RORA: variants seen among roughly 807,000 people sequenced by gnomAD.
The protein encoded by RORA is RAR related orphan receptor A.
Under a neutral mutation model 69.5 loss-of-function variants are expected in RORA, and 7 were observed. The observed-to-expected ratio is 0.10, with a 90% confidence interval of 0.06 to 0.19. The LOEUF (loss-of-function observed/expected upper bound fraction) is 0.19, where lower values mean the gene tolerates loss of function less well. RORA is among the 10% of genes least tolerant of loss of function. RORA has a pLI of 1.00. For synonymous variants in RORA, 261 were observed against 240.8 expected, an observed-to-expected ratio of 1.08 and a Z score of -0.78; for missense variants, 457 against 663.0, an observed-to-expected ratio of 0.69 and a Z score of 3.41.
chr15:60,535,968 A>AAACTT lies in RORA; in HGVS notation c.197-4122_197-4118dup, dbSNP rs538881869. On this transcript the variant is annotated intron_variant, in intron 2 of 10. Coordinates refer to ENST00000335670, the MANE Select transcript of RORA (RefSeq NM_134261.3). ...AAGACATCCCCTAAGTAGTTTGTTTAAACTTAACACACTACTCAGGAATTG... is the reference window on the plus strand; with the variant it reads ...AAGACATCCCCTAAGTAGTTTGTTTAAACTTAACTTAACACACTACTCAGGAATTG... Among the ~76,000 whole-genome samples, 7 of 152,316 alleles carry AAACTT rather than the reference A, an allele frequency of 4.6e-5. No homozygotes were observed. In the East Asian group the frequency reaches 1.4e-3, roughly 29 times the overall value.
chr15:60,494,326 TTTG>T lies in RORA; in HGVS notation c.*3126_*3128del, dbSNP rs2065115676. 6.6e-6 allele frequency: 1 copy of T among 152,208 alleles called. No homozygotes were observed. The highest frequency in any genetic ancestry group is 2.4e-5 in the African/African-American group (1 of 41,450). The allele number at this position is 152,208 out of a possible 1,614,324, so 9.4% of individuals were successfully genotyped here. A position where few individuals can be genotyped will look rare whatever the true frequency, so the allele number is the denominator to read the frequency against. On this transcript the variant is annotated 3_prime_UTR_variant, in exon 11 of 11. Transcript: ENST00000335670. Reference sequence around the variant, plus strand: ...CCATTGGAACAGAAGGTATTCAGGCTTTGTACAAAAGCCTTATTTGCCTTATGT... The same window carrying T: ...CCATTGGAACAGAAGGTATTCAGGCTTACAAAAGCCTTATTTGCCTTATGT...
At chr15:60,554,480 C>A (rs1008705664) in intron 2 of RORA, among the ~76,000 whole-genome samples, 3 of 152,070 alleles carry the variant, frequency 2.0e-5, no homozygotes, top group Non-Finnish European at 4.4e-5. Context: ...TCTTTAATAA[C>A]CAAGGCACCA....
intron 6 of RORA, 132 bp from the exon 7 acceptor site, chr15:60,503,799 T>G (rs2065406490): frequency 2.1e-6 from 2 of 945,230 alleles, no homozygotes; most frequent in African/African-American, 3.4e-5. Flanking sequence ...AGTGGGATCT[T>G]ATTTTATTTT....
At chr15:60,926,531 ATCT>A (rs1177920024) in intron 1 of RORA, among the ~76,000 whole-genome samples, 2 of 152,250 alleles carry the variant, frequency 1.3e-5, no homozygotes, top group African/African-American at 4.8e-5. Context: ...ACAGTGGTAC[ATCT>A]TCTCAGAGAG....
chr15:60,762,573 C>T (rs995392792), intron 1 of RORA, among the ~76,000 whole-genome samples: 7 of 151,884 alleles, frequency 4.6e-5, no homozygotes, highest in African/African-American at 1.7e-4. Flanking sequence ...ACACACACAC[C>T]ACACACACAG....
chr15:61,148,104 G>A (rs903279150), intron 1 of RORA, among the ~76,000 whole-genome samples: 3 of 152,174 alleles, frequency 2.0e-5, no homozygotes, highest in Non-Finnish European at 4.4e-5. Context: ...CCGAAGGCGT[G>A]AGCCAAGGGA....
intron 1 of RORA, among the ~76,000 whole-genome samples, chr15:60,830,111 A>G (rs897708120): frequency 1.8e-4 from 27 of 152,386 alleles, no homozygotes; most frequent in Middle Eastern, 3.4e-3. Context: ...GAAAATATCT[A>G]CTTCCATCCA....
At chr15:60,582,085 A>G (rs531247576) in intron 2 of RORA, among the ~76,000 whole-genome samples, 3 of 152,230 alleles carry the variant, frequency 2.0e-5, no homozygotes, top group Non-Finnish European at 2.9e-5. Context: ...TCAAAAACGG[A>G]AAAAGCTTTA....
intron 2 of RORA, among the ~76,000 whole-genome samples, chr15:60,601,836 A>G (rs2068818760): frequency 1.3e-5 from 2 of 152,178 alleles, no homozygotes; most frequent in Non-Finnish European, 2.9e-5. Context: ...TAGTCTTGTT[A>G]TTTATAAAAG....
At chr15:60,797,810 C>G (rs1195677214) in intron 1 of RORA, among the ~76,000 whole-genome samples, 2 of 152,152 alleles carry the variant, frequency 1.3e-5, no homozygotes. Context: ...CAGCTAGGTA[C>G]TTCCTTCTCC....
intron 1 of RORA, among the ~76,000 whole-genome samples, chr15:60,804,083 G>A (rs745944292): frequency 1.3e-5 from 2 of 152,062 alleles, no homozygotes; most frequent in South Asian, 2.1e-4. Context: ...GAGGTCGGGA[G>A]TTCGAGACCA....
At chr15:60,758,062 A>G (rs1237342509) in intron 1 of RORA, among the ~76,000 whole-genome samples, 2 of 152,126 alleles carry the variant, frequency 1.3e-5, no homozygotes, top group Non-Finnish European at 2.9e-5. Flanking sequence ...GGTGAAGGCT[A>G]TTTGCTTTCT....
In RORA at chr15:60,591,138, A is replaced by G. The variant is rs372275692; in HGVS notation, c.197-59287T>C. The stretch of plus-strand genomic sequence containing the variant: ...CTTGGCACCCGCACCGGTGGCTAGG[A>G]CCCGCAGGACAGTCTGGGTCTGCAC... On this transcript the variant is annotated intron_variant, in intron 2 of 10. Coordinates refer to ENST00000335670, the MANE Select transcript of RORA (RefSeq NM_134261.3). 9.2e-5 allele frequency among the ~76,000 whole-genome samples: 14 copies of G among 152,272 alleles called. No individual in the cohort carries two copies. The East Asian group carries it at 2.3e-3, about 25-fold the overall frequency.
chr15:60,515,935 ATATTTATATATATTTATATATTTATATT>A, intron 3 of RORA, among the ~76,000 whole-genome samples: 1 of 17,254 alleles, frequency 5.8e-5, no homozygotes, highest in East Asian at 1.7e-3. Context: ...ATTTATATAT[ATATTTATATATATTTATATATTTATATT>A]TATATATATT....
intron 1 of RORA, among the ~76,000 whole-genome samples, chr15:60,998,078 CA>C (rs1317515852): frequency 6.6e-6 from 1 of 152,220 alleles, no homozygotes; most frequent in Non-Finnish European, 1.5e-5. Flanking sequence ...ACCATAGCTT[CA>C]AAATTTCAGA....
intron 1 of RORA, among the ~76,000 whole-genome samples, chr15:60,926,619 T>A (rs138612944): frequency 6.6e-6 from 1 of 152,354 alleles, no homozygotes; most frequent in African/African-American, 2.4e-5. Context: ...TTCTAGGAGA[T>A]CATTTGAGAA....
At chr15:60,515,999 ATT>A (rs1567051244) in intron 3 of RORA, among the ~76,000 whole-genome samples, 3 of 8,234 alleles carry the variant, frequency 3.6e-4, no homozygotes, top group Admixed American at 2.3e-3. Context: ...ATTTATATAT[ATT>A]TATATATATT....
At position 61,178,245 on chromosome 15, in the gene RORA, C is replaced by T. The variant is rs2079649690; in HGVS notation, c.166+50808G>A. On this transcript the variant is annotated intron_variant, in intron 1 of 10. Transcript: ENST00000335670. The stretch of plus-strand genomic sequence containing the variant: ...GAAAGCTAGCTACATCCTGACTTTC[C>T]TAAAGTGATACAAAATATTCAATCC... 1.3e-5 allele frequency among the ~76,000 whole-genome samples: 2 copies of T among 152,070 alleles called. 1 individual carries two copies. Among genetic ancestry groups the T allele is most frequent in the South Asian group, 4.2e-4 (2 of 4,810 alleles).
chr15:60,622,117 G>C (rs1011793114), intron 2 of RORA, among the ~76,000 whole-genome samples: 6 of 150,830 alleles, frequency 4.0e-5, no homozygotes, highest in African/African-American at 1.5e-4. Context: ...CTCTATAATA[G>C]TATATATAAC....
Sources: gnomAD v4.1 joint callset for allele counts (sites outside exome capture counted in the v4.1 genomes callset) on GRCh38, gnomAD v4.1.1 for gene constraint, MANE v1.5 for transcripts, NCBI Gene and HGNC (gene_info 2026-07-23, HGNC 2026-07-21) for gene names.